The following DIAPH2 variants were observed in gnomAD, a reference collection of about 807,000 sequenced individuals.
The protein encoded by DIAPH2 is protein diaphanous homolog 2.
Under a neutral mutation model 92.7 loss-of-function variants are expected in DIAPH2, and 35 were observed. The observed-to-expected ratio is 0.38, with a 90% CI of 0.29 to 0.50. The LOEUF is 0.50. DIAPH2 is among the 20% of genes least tolerant of loss of function. The pLI, the probability that DIAPH2 is intolerant of heterozygous loss-of-function variation, is 0.94. For synonymous variants in DIAPH2, 301 were observed against 280.4 expected, an observed-to-expected ratio of 1.07 and a Z score of -0.73; for missense variants, 701 against 819.5, an observed-to-expected ratio of 0.86 and a Z score of 1.77.
At chrX:97,469,880 C>A in intron 26 of DIAPH2, 3 of 1,044,267 alleles carry the variant, frequency 2.9e-6, no homozygotes, top group Non-Finnish European at 3.7e-6. Context: ...CTAAGGCTTT[C>A]TGATAAAATT....
chrX:97,161,058 T>TG (rs1368941869), intron 22 of DIAPH2, among the ~76,000 whole-genome samples: 72 of 105,808 alleles, frequency 6.8e-4, no homozygotes, highest in East Asian at 2.1e-3. Context: ...TTTGTTTTTT[T>TG]TTTTTTTTTC....
chrX:97,446,444 A>T (rs764654793), intron 26 of DIAPH2, among the ~76,000 whole-genome samples: 1 of 112,069 alleles, frequency 8.9e-6, no homozygotes, highest in East Asian at 2.8e-4. Context: ...AACAGGTCAT[A>T]CTTAAATTCT....
chrX:97,295,732 TTC>T (rs1484241235), intron 23 of DIAPH2, among the ~76,000 whole-genome samples: 3 of 78,448 alleles, frequency 3.8e-5, no homozygotes, highest in Admixed American at 1.5e-4. Context: ...CTGTATTTTC[TTC>T]TTTTTTTTTT....
intron 26 of DIAPH2, among the ~76,000 whole-genome samples, chrX:97,542,417 ATTTG>A (rs2071146913): frequency 8.9e-6 from 1 of 112,136 alleles, no homozygotes; most frequent in Non-Finnish European, 1.9e-5. Context: ...ACACTAAAGT[ATTTG>A]TTTGGAGAAC....
chrX:97,144,893 T>C (rs2067233801), intron 22 of DIAPH2, among the ~76,000 whole-genome samples: 1 of 111,755 alleles, frequency 8.9e-6, no homozygotes, highest in Non-Finnish European at 1.9e-5. Flanking sequence ...GCCTCCCAAG[T>C]AGCTGGGATT....
intron 1 of DIAPH2, among the ~76,000 whole-genome samples, chrX:96,719,365 A>G (rs951299686): frequency 1.8e-5 from 2 of 112,161 alleles, no homozygotes; most frequent in East Asian, 2.8e-4. Context: ...TGCCCGGTCC[A>G]ATGTCCTAGA....
At chrX:97,539,552 A>G (rs2071123872) in intron 26 of DIAPH2, among the ~76,000 whole-genome samples, 1 of 112,266 alleles carries the variant, frequency 8.9e-6, no homozygotes, top group Non-Finnish European at 1.9e-5. Flanking sequence ...TTAAAGCAAT[A>G]GTACAAGACG....
intron 20 of DIAPH2, among the ~76,000 whole-genome samples, chrX:97,108,257 A>G (rs751120515): frequency 1.2e-4 from 13 of 111,374 alleles, no homozygotes; most frequent in Non-Finnish European, 2.5e-4. Context: ...CGTAACACAA[A>G]TAAATCCCCT....
intron 4 of DIAPH2, among the ~76,000 whole-genome samples, chrX:96,859,222 A>AGG (rs2049436793): frequency 9.0e-6 from 1 of 111,155 alleles, no homozygotes; most frequent in Admixed American, 9.7e-5. Flanking sequence ...TAAGCTTAAT[A>AGG]GGAGGGTATA....
At chrX:97,201,767 C>T (rs1479144663) in intron 22 of DIAPH2, among the ~76,000 whole-genome samples, 1 of 110,816 alleles carries the variant, frequency 9.0e-6, no homozygotes, top group Non-Finnish European at 1.9e-5. Context: ...AGGAGAACGT[C>T]CCCAACCTAG....
chrX:97,324,954 C>T (rs1333901311), intron 23 of DIAPH2, among the ~76,000 whole-genome samples: 1 of 111,152 alleles, frequency 9.0e-6, no homozygotes, highest in African/African-American at 3.3e-5. Context: ...CACCTGCCAC[C>T]ACACCCAGCT....
intron 15 of DIAPH2, among the ~76,000 whole-genome samples, chrX:96,951,167 C>T: frequency 9.1e-6 from 1 of 110,090 alleles, no homozygotes; most frequent in East Asian, 2.8e-4. Context: ...CACCCTTCAA[C>T]ATCTCCTGGA....
At chrX:97,010,996 T>C (rs2066221218) in intron 17 of DIAPH2, among the ~76,000 whole-genome samples, 1 of 112,082 alleles carries the variant, frequency 8.9e-6, no homozygotes, top group African/African-American at 3.2e-5. Context: ...TTTCAAAAAT[T>C]TACCCCACAT....
At chrX:97,450,947 G>GA (rs2070353918) in intron 26 of DIAPH2, among the ~76,000 whole-genome samples, 1 of 105,819 alleles carries the variant, frequency 9.5e-6, no homozygotes, top group South Asian at 4.3e-4. Flanking sequence ...AAAACTTCTA[G>GA]AAAATCTTTC....
intron 23 of DIAPH2, among the ~76,000 whole-genome samples, chrX:97,343,143 A>C (rs1032023918): frequency 2.7e-5 from 3 of 111,930 alleles, no homozygotes; most frequent in African/African-American, 9.7e-5. Flanking sequence ...AGGAATTTAC[A>C]TTTGAAATAT....
intron 4 of DIAPH2, among the ~76,000 whole-genome samples, chrX:96,872,437 T>C (rs1316736804): frequency 9.0e-6 from 1 of 111,126 alleles, no homozygotes; most frequent in Non-Finnish European, 1.9e-5. Context: ...CAGGATCTCA[T>C]TCTTTTTTAT....
At chrX:96,765,081 A>AC (rs1442835818) in intron 4 of DIAPH2, among the ~76,000 whole-genome samples, 2 of 110,296 alleles carry the variant, frequency 1.8e-5, no homozygotes, top group Non-Finnish European at 3.8e-5. Flanking sequence ...CTACACTGTT[A>AC]CCAGTTATCT....
chrX:96,978,756 T>G (rs917482966), intron 17 of DIAPH2, among the ~76,000 whole-genome samples: 3 of 111,313 alleles, frequency 2.7e-5, no homozygotes, highest in African/African-American at 6.5e-5. Context: ...TTCAGGAATC[T>G]TGGCAGATCT....
intron 17 of DIAPH2, among the ~76,000 whole-genome samples, chrX:97,007,857 G>T (rs765778372): frequency 9.0e-5 from 9 of 100,415 alleles, no homozygotes; most frequent in African/African-American, 2.6e-4. Flanking sequence ...CCGCCTCCCA[G>T]GTTCACGCCA....
Sources: gnomAD v4.1 joint callset for allele counts (sites outside exome capture counted in the v4.1 genomes callset) on GRCh38, gnomAD v4.1.1 for gene constraint, MANE v1.5 for transcripts, NCBI Gene and HGNC (gene_info 2026-07-23, HGNC 2026-07-21) for gene names.